QSER1: variants seen among roughly 807,000 people sequenced by gnomAD.
The protein encoded by QSER1 is glutamine and serine rich 1, also known as glutamine and serine-rich protein 1.
QSER1 carries 49 observed loss-of-function variants against 158.5 expected under a neutral mutation model. The observed-to-expected ratio is 0.31, with a 90% CI of 0.25 to 0.39. The LOEUF (loss-of-function observed/expected upper bound fraction) is 0.39. Ranked by LOEUF, QSER1 falls within the 10% of genes least tolerant of loss-of-function variation. The pLI is 1.00. For missense variants in QSER1, 1,754 were observed against 2,010.3 expected, an observed-to-expected ratio of 0.87 and a Z score of 2.44; for synonymous variants, 650 against 715.5, an observed-to-expected ratio of 0.91 and a Z score of 1.46.
intron 1 of QSER1, among the ~76,000 whole-genome samples, chr11:32,903,249 G>A (rs925606380): frequency 6.6e-6 from 1 of 151,824 alleles, no homozygotes; most frequent in East Asian, 1.9e-4. Context: ...GTAGGGTATG[G>A]GTAGTTCAGA....
At chr11:32,927,828 AAAAT>A in intron 2 of QSER1, 130 bp from the exon 3 acceptor site, 1 of 392,842 alleles carries the variant, frequency 2.5e-6, no homozygotes, top group Non-Finnish European at 4.5e-6. Context: ...GTTTACTATC[AAAAT>A]AAAACCATCT....
At chr11:32,947,005 G>A (rs745841466) in intron 4 of QSER1, among the ~76,000 whole-genome samples, 88 of 152,348 alleles carry the variant, frequency 5.8e-4, no homozygotes, top group Non-Finnish European at 1.1e-3. Flanking sequence ...GGTGCCGTCC[G>A]TCACCCCTTT....
intron 1 of QSER1, among the ~76,000 whole-genome samples, chr11:32,921,178 T>A (rs888956271): frequency 6.6e-6 from 1 of 152,198 alleles, no homozygotes; most frequent in African/African-American, 2.4e-5. Context: ...AGGAATGAGG[T>A]ACTGATATAT....
At chr11:32,951,142 T>G (rs1306660256) in intron 4 of QSER1, among the ~76,000 whole-genome samples, 1 of 152,184 alleles carries the variant, frequency 6.6e-6, no homozygotes, top group African/African-American at 2.4e-5. Context: ...TGCTAACATG[T>G]GTTAATGTCT....
In QSER1 at chr11:32,966,288, T is replaced by C. The variant is rs1362087442; in HGVS notation, c.4970-12T>C. The C allele has an allele frequency of 1.2e-6, 2 of 1,610,648 alleles. No homozygotes were observed. Among genetic ancestry groups the C allele is most frequent in the Non-Finnish European group, 1.7e-6 (2 of 1,179,038 alleles). On this transcript the variant is annotated splice_polypyrimidine_tract_variant and intron_variant, in intron 8 of 12. Coordinates refer to ENST00000650167, the MANE Select transcript of QSER1 (RefSeq NM_001076786.3). ...AAGGAAAATTTAATATTTAACCCTT[T>C]CTCCCTCCCAGAATTTGAACCTCCC...
intron 1 of QSER1, among the ~76,000 whole-genome samples, chr11:32,914,613 C>T (rs1851810202): frequency 3.3e-5 from 5 of 152,086 alleles, no homozygotes; most frequent in Admixed American, 3.3e-4. Flanking sequence ...ATTTTTAAAC[C>T]TGGAATGTGT....
chr11:32,898,482 T>TCTCACACACA (rs923127515), intron 1 of QSER1, among the ~76,000 whole-genome samples: 3 of 142,948 alleles, frequency 2.1e-5, no homozygotes, highest in South Asian at 2.4e-4. Context: ...TGAGAACCTG[T>TCTCACACACA]CACACACACA....
At chr11:32,955,221 C>T (rs975565016) in intron 5 of QSER1, 75 bp from the exon 6 acceptor site, 2 of 792,322 alleles carry the variant, frequency 2.5e-6, no homozygotes, top group Non-Finnish European at 4.1e-6. Flanking sequence ...TTTCAGATTC[C>T]TTTCATCTCT....
rs1171523089 is a variant in QSER1 at position 32,977,105 on chromosome 11, A to G, written c.*631A>G. ...TTTTTGTGTCAAATTATATTGTGAT[A>G]AAAAAACAATGACATACTATTTTCC... On this transcript the variant is annotated 3_prime_UTR_variant, in exon 13 of 13. Coordinates refer to ENST00000650167, the MANE Select transcript of QSER1 (RefSeq NM_001076786.3). 1.3e-5 allele frequency: 2 copies of G among 152,574 alleles called. No individual in the cohort carries two copies. The highest frequency in any genetic ancestry group is 1.5e-5 in the Non-Finnish European group (1 of 68,024). The allele number at this position is 152,574 out of a possible 1,614,324, so 9.5% of individuals were successfully genotyped here. A position where few individuals can be genotyped will look rare whatever the true frequency, so the allele number is the denominator to read the frequency against.
chr11:32,931,705 C>T, intron 3 of QSER1, 38 bp from the exon 4 acceptor site: 1 of 1,451,146 alleles, frequency 6.9e-7, no homozygotes, highest in Non-Finnish European at 9.4e-7. Context: ...GTAATTGTGC[C>T]ATAATTACAT....
chr11:32,976,472 T>C lies in QSER1; in HGVS notation c.5593T>C (p.Ter1865ArgextTer10). ...LLNHVQQKCS[*>R] ...AAATCATGTACAGCAGAAATGTTCCTGACTTTTCCACAAAAATCCCATCTT... is the reference window on the plus strand; with the variant it reads ...AAATCATGTACAGCAGAAATGTTCCCGACTTTTCCACAAAAATCCCATCTT... The change falls in exon 13 of 13, where the codon TGA becomes CGA. Residue 1865 changes from the stop codon to arginine (R), a stop_lost. Coordinates refer to ENST00000650167, the MANE Select transcript of QSER1 (RefSeq NM_001076786.3). 6.2e-7 allele frequency: 1 copy of C among 1,609,336 alleles called. No homozygotes were observed. Among genetic ancestry groups the C allele is most frequent in the Non-Finnish European group, 8.5e-7 (1 of 1,178,386 alleles).
At chr11:32,907,470 ACT>A (rs1413836777) in intron 1 of QSER1, among the ~76,000 whole-genome samples, 1 of 152,214 alleles carries the variant, frequency 6.6e-6, no homozygotes, top group Non-Finnish European at 1.5e-5. Flanking sequence ...TGAAAAATTG[ACT>A]CTACGGTTTT....
chr11:32,938,641 C>T (rs1212019882), intron 4 of QSER1, among the ~76,000 whole-genome samples: 1 of 152,158 alleles, frequency 6.6e-6, no homozygotes, highest in Non-Finnish European at 1.5e-5. Flanking sequence ...CTGCTGTAGC[C>T]ATTCTGAGCA....
Position 32,934,397 on chromosome 11 carries a change from G to A in QSER1, c.3139G>A (p.Asp1047Asn). 1 of 1,613,786 alleles carries A rather than the reference G, an allele frequency of 6.2e-7. No homozygotes were observed. Among genetic ancestry groups the A allele is most frequent in the Non-Finnish European group, 8.5e-7 (1 of 1,179,952 alleles). ...ATVGKPQNIN[D>N]TSLNGNQVTV... ...AGTAGGAAAGCCACAGAATATAAAT[G>A]ATACTTCCTTAAATGGAAATCAGGT... The change falls in exon 4 of 13, where the codon GAT becomes AAT. Residue 1047 changes from aspartate (D) to asparagine (N), a missense_variant. Around this residue, in one of 2 missense-constraint regions of QSER1, gnomAD observed 1,707 missense variants for 1,919.6 expected, o/e 0.89. Transcript: ENST00000650167.
At chr11:32,920,705 G>A (rs1239848290) in intron 1 of QSER1, among the ~76,000 whole-genome samples, 4 of 152,170 alleles carry the variant, frequency 2.6e-5, no homozygotes, top group African/African-American at 7.2e-5. Flanking sequence ...CAAAGCATGT[G>A]AGTAGACACT....
chr11:32,902,809 C>T (rs886510431), intron 1 of QSER1, among the ~76,000 whole-genome samples: 1 of 152,182 alleles, frequency 6.6e-6, no homozygotes, highest in Non-Finnish European at 1.5e-5. Flanking sequence ...AGTGTTATCT[C>T]ATTTAACTTC....
chr11:32,927,438 C>T (rs147455056), intron 2 of QSER1, among the ~76,000 whole-genome samples, 169 bp downstream of exon 2: 6 of 152,286 alleles, frequency 3.9e-5, no homozygotes, highest in South Asian at 4.1e-4. Context: ...CATGGAGTCT[C>T]GCTCTGTCGG....
chr11:32,897,761 C>T (rs1851573687), intron 1 of QSER1, among the ~76,000 whole-genome samples: 1 of 152,202 alleles, frequency 6.6e-6, no homozygotes, highest in Admixed American at 6.5e-5. Flanking sequence ...GATCACATAA[C>T]CAACTACCTC....
chr11:32,903,481 C>G (rs1055565543), intron 1 of QSER1, among the ~76,000 whole-genome samples: 1 of 151,244 alleles, frequency 6.6e-6, no homozygotes, highest in Non-Finnish European at 1.5e-5. Flanking sequence ...GATTTACAAA[C>G]AAAGTGGACT....
Sources: allele counts gnomAD v4.1 joint callset (sites outside exome capture counted in the v4.1 genomes callset), GRCh38; gene constraint gnomAD v4.1.1; regional missense constraint gnomAD v4.1.1; transcripts MANE v1.5; gene names NCBI Gene and HGNC (gene_info 2026-07-23, HGNC 2026-07-21).